The following EVC2 variants were observed in gnomAD, a reference collection of about 807,000 sequenced individuals.
EVC2 encodes limbin.
Under a neutral mutation model 149.3 loss-of-function variants are expected in EVC2, and 148 were observed. The observed-to-expected ratio is 0.99, with a 90% CI of 0.87 to 1.14. The LOEUF (loss-of-function observed/expected upper bound fraction) is 1.14, where lower values mean the gene tolerates loss of function less well. Ranked by LOEUF, EVC2 falls within the 50% of genes most tolerant of loss-of-function variation. EVC2 has a pLI of 0.00. For missense variants in EVC2, 1,854 were observed against 1,627.3 expected, an observed-to-expected ratio of 1.14 and a Z score of -2.40; for synonymous variants, 776 against 649.9, an observed-to-expected ratio of 1.19 and a Z score of -2.95.
intron 16 of EVC2, among the ~76,000 whole-genome samples, chr4:5,608,624 C>G (rs1003907156): frequency 1.1e-4 from 16 of 152,200 alleles, no homozygotes; most frequent in Non-Finnish European, 2.2e-4. Flanking sequence ...ACCTCTGCCT[C>G]CCAGCTTCAA....
chr4:5,564,652 C>T (rs1357574339), intron 21 of EVC2, among the ~76,000 whole-genome samples: 1 of 152,204 alleles, frequency 6.6e-6, no homozygotes, highest in East Asian at 1.9e-4. Context: ...GTTTCCACAT[C>T]TTCTCTAGCT....
intron 16 of EVC2, among the ~76,000 whole-genome samples, chr4:5,590,702 G>C (rs528467634): frequency 2.0e-5 from 3 of 152,174 alleles, no homozygotes; most frequent in Non-Finnish European, 2.9e-5. Flanking sequence ...TCTGATGTCA[G>C]AAGGTAGAAA....
the EVC2 span, among the ~76,000 whole-genome samples, chr4:5,536,588 T>G: frequency 6.6e-6 from 1 of 151,922 alleles, no homozygotes; most frequent in Admixed American, 6.6e-5. Flanking sequence ...ATCGAGACCA[T>G]CTTGGCTAAC....
At position 5,614,952 on chromosome 4, in the gene EVC2, G is replaced by C. The variant is rs755561801; in HGVS notation, c.2829+470C>G. Among the ~76,000 whole-genome samples, 8 of 152,134 alleles carry C rather than the reference G, an allele frequency of 5.3e-5. No homozygotes were observed. The highest frequency in any genetic ancestry group is 1.2e-4 in the Non-Finnish European group (8 of 68,028). ...AGATCACACCACTGCACTCCAGCCT[G>C]GGTGACAGAGTAAGACTCCATTTCA... is the stretch of plus-strand genomic sequence containing the variant. On this transcript the variant is annotated intron_variant, in intron 16 of 21. Coordinates refer to ENST00000344408, the MANE Select transcript of EVC2 (RefSeq NM_147127.5). This position sits in a 1 kb window ranked among gnomAD's most constrained non-coding sequence, Gnocchi z 4.7.
intron 16 of EVC2, among the ~76,000 whole-genome samples, chr4:5,606,989 T>G (rs1714445750): frequency 6.6e-6 from 1 of 152,102 alleles, no homozygotes; most frequent in South Asian, 2.1e-4. Context: ...CATACAGAAG[T>G]CCGGAAAGGC....
chr4:5,643,860 A>C (rs1164557806), intron 9 of EVC2, among the ~76,000 whole-genome samples: 1 of 152,118 alleles, frequency 6.6e-6, no homozygotes, highest in African/African-American at 2.4e-5. Flanking sequence ...GCACCACGGC[A>C]CTCCAGCCTG....
At chr4:5,631,352 T>C (rs745692472) in intron 11 of EVC2, among the ~76,000 whole-genome samples, 5 of 152,146 alleles carry the variant, frequency 3.3e-5, no homozygotes, top group Admixed American at 2.6e-4. Context: ...CTTGGCCTCC[T>C]AAAGTGCTGG....
rs1718222169 is a variant in EVC2 at position 5,652,572 on chromosome 4, G to T, written c.1145+10535C>A. Among the ~76,000 whole-genome samples, 3 of 152,170 alleles carry T rather than the reference G, an allele frequency of 2.0e-5. No individual in the cohort carries two copies. In the South Asian group the frequency reaches 6.2e-4, roughly 32 times the overall value. ...TGCAAACGGTAGGCAGCTGTGCCAG[G>T]AAGTTAAGGTCCTCAGGAGCATCCT... On this transcript the variant is annotated intron_variant, in intron 9 of 21. Coordinates refer to ENST00000344408, the MANE Select transcript of EVC2 (RefSeq NM_147127.5).
At chr4:5,532,832 T>C in the EVC2 span, among the ~76,000 whole-genome samples, 2 of 151,804 alleles carry the variant, frequency 1.3e-5, no homozygotes, top group African/African-American at 4.8e-5. Flanking sequence ...AAGCCAAGCA[T>C]GCGAGCTGAG....
At chr4:5,663,768 A>C (rs748323712) in intron 8 of EVC2, among the ~76,000 whole-genome samples, 2 of 152,048 alleles carry the variant, frequency 1.3e-5, no homozygotes, top group Non-Finnish European at 2.9e-5. Flanking sequence ...TAAAAATACA[A>C]AAATTAGCCA....
At chr4:5,562,236 T>G (rs367743681), downstream of EVC2, among the ~76,000 whole-genome samples, 48 of 152,302 alleles carry the variant, frequency 3.2e-4, no homozygotes, top group Middle Eastern at 0.01. This position sits in a 1 kb window ranked among gnomAD's most constrained non-coding sequence, Gnocchi z 4.3. Flanking sequence ...TCCATACCAT[T>G]GAATTTCCTC....
chr4:5,685,383 T>C lies in EVC2; in HGVS notation c.803A>G (p.Gln268Arg), dbSNP rs1205810402. ...SLKLPAQLTF[Q>R]SSSRNRTQLK... The stretch of plus-strand genomic sequence containing the variant: ...CAAAGGTCATACCCGTGACGAGCTC[T>C]GAAAGGTGAGTTGGGCAGGAAGCTT... The change falls in exon 6 of 22, where the codon CAG becomes CGG. Residue 268 changes from glutamine (Q) to arginine (R), a missense_variant. Transcript: ENST00000344408. 20 of 1,614,086 alleles carry C rather than the reference T, an allele frequency of 1.2e-5. No individual in the cohort carries two copies. Among genetic ancestry groups the C allele is most frequent in the African/African-American group, 2.7e-5 (2 of 74,948 alleles).
At position 5,678,346 on chromosome 4, in the gene EVC2, A is replaced by G. The variant is rs1466786287; in HGVS notation, c.870+2914T>C. On this transcript the variant is annotated intron_variant, in intron 7 of 21. Coordinates refer to ENST00000344408, the MANE Select transcript of EVC2 (RefSeq NM_147127.5). ...GATAATACTTCACATGTGTTAGCAC[A>G]ACTCATGCTGGGGAGATGAAGCATC... is the stretch of plus-strand genomic sequence containing the variant. 3.3e-5 allele frequency among the ~76,000 whole-genome samples: 5 copies of G among 152,342 alleles called. No individual in the cohort carries two copies. The East Asian group carries it at 9.6e-4, about 29-fold the overall frequency.
chr4:5,611,225 T>C (rs975866727), intron 16 of EVC2, among the ~76,000 whole-genome samples: 2 of 152,188 alleles, frequency 1.3e-5, no homozygotes, highest in Non-Finnish European at 2.9e-5. Context: ...TCCCATCACA[T>C]GCCTGGTGGT....
At chr4:5,596,555 G>C (rs1218846312) in intron 16 of EVC2, among the ~76,000 whole-genome samples, 2 of 152,216 alleles carry the variant, frequency 1.3e-5, no homozygotes, top group East Asian at 3.9e-4. Context: ...GAATCTCTGG[G>C]ATGCATTCAA....
intron 7 of EVC2, among the ~76,000 whole-genome samples, chr4:5,674,549 CA>C (rs1413923517): frequency 1.3e-5 from 2 of 152,172 alleles, no homozygotes; most frequent in East Asian, 3.9e-4. Flanking sequence ...CATAGGACCC[CA>C]GCCAAGGGCA....
intron 7 of EVC2, among the ~76,000 whole-genome samples, chr4:5,669,960 C>G (rs1719530347): frequency 6.6e-6 from 1 of 152,206 alleles, no homozygotes; most frequent in Non-Finnish European, 1.5e-5. Flanking sequence ...CACCAAGTAA[C>G]AAGCAAACCT....
In EVC2 at chr4:5,613,577, C is replaced by G. The variant is rs547081849; in HGVS notation, c.2829+1845G>C. Among the ~76,000 whole-genome samples, 1 of 152,094 alleles carries G rather than the reference C, an allele frequency of 6.6e-6. No individual in the cohort carries two copies. The highest frequency in any genetic ancestry group is 6.6e-5 in the Admixed American group (1 of 15,266). On this transcript the variant is annotated intron_variant, in intron 16 of 21. Transcript: ENST00000344408. The surrounding 1 kb of genome is among the most constrained non-coding windows in gnomAD (Gnocchi z 4.6). ...CTGGGACAGCTTGGCTTACCTCTCT[C>G]GCTTCTCTTTGGGACCCCAACTTCT...
chr4:5,663,500 G>A (rs566775676), intron 8 of EVC2, among the ~76,000 whole-genome samples: 1 of 152,300 alleles, frequency 6.6e-6, no homozygotes, highest in South Asian at 2.1e-4. Context: ...TGGACAGAAA[G>A]AACTTTTCAG....
Sources: allele counts gnomAD v4.1 joint callset (sites outside exome capture counted in the v4.1 genomes callset), GRCh38; gene constraint gnomAD v4.1.1; non-coding constraint Gnocchi (gnomAD v3.1); transcripts MANE v1.5; gene names NCBI Gene and HGNC (gene_info 2026-07-23, HGNC 2026-07-21).